The following CCDC134 variants were observed in gnomAD, a reference collection of about 807,000 sequenced individuals.
The protein encoded by CCDC134 is coiled-coil domain-containing protein 134.
A neutral mutation model predicts 25.6 loss-of-function variants in CCDC134; 27 were observed. That is an observed-to-expected ratio of 1.05 (90% CI 0.78 to 1.45). The LOEUF (loss-of-function observed/expected upper bound fraction) is 1.45, where lower values mean the gene tolerates loss of function less well. Among genes scored for constraint, CCDC134 ranks in the 40% most tolerant of loss-of-function variants. The pLI, the probability that CCDC134 is intolerant of heterozygous loss-of-function variation, is 0.00. For synonymous variants in CCDC134, 110 were observed against 115.0 expected (o/e 0.96, Z 0.28); for missense variants, 261 against 286.7 (o/e 0.91, Z 0.65).
intron 4 of CCDC134, among the ~76,000 whole-genome samples, chr22:41,810,773 C>T (rs1234683954): frequency 3.3e-5 from 5 of 152,052 alleles, no homozygotes; most frequent in African/African-American, 4.8e-5. Flanking sequence ...GGATTACAGG[C>T]GAGAGCCACT....
chr22:41,821,455 T>A (rs1366570269), intron 6 of CCDC134, among the ~76,000 whole-genome samples: 1 of 151,788 alleles, frequency 6.6e-6, no homozygotes, highest in Non-Finnish European at 1.5e-5. Flanking sequence ...TATCTCCTAA[T>A]GCTATCCCTC....
intron 1 of CCDC134, among the ~76,000 whole-genome samples, chr22:41,803,914 G>A (rs374486987): frequency 2.0e-5 from 3 of 152,068 alleles, no homozygotes; most frequent in East Asian, 1.9e-4. Flanking sequence ...GGCGGATCAC[G>A]AGGGCAGGAG....
chr22:41,801,295 A>G (rs951754661), intron 1 of CCDC134, among the ~76,000 whole-genome samples: 3 of 151,964 alleles, frequency 2.0e-5, no homozygotes, highest in Middle Eastern at 3.2e-3. Flanking sequence ...GGTTTCACTT[A>G]TCTCGTCTGC....
rs996646286 is a variant in CCDC134, at chr22:41,827,297, G to A, written c.*1474G>A. ...CTCACTGGGCAGTGGAGGCAGGGCA[G>A]TGTGGTGGGACTGACTCAACAGACA... On this transcript the variant is annotated 3_prime_UTR_variant, in exon 7 of 7. Transcript: ENST00000255784. Among the ~76,000 whole-genome samples, 1 of 152,226 alleles carries A rather than the reference G, an allele frequency of 6.6e-6. No individual in the cohort carries two copies. The highest frequency in any genetic ancestry group is 1.5e-5 in the Non-Finnish European group (1 of 68,046).
chr22:41,813,661 GGAGTC>G lies in CCDC134; in HGVS notation c.493-89_493-85del. 2.1e-6 allele frequency: 3 copies of G among 1,408,376 alleles called. No homozygotes were observed. The Admixed American group carries it at 5.1e-5, about 24-fold the overall frequency. 87.2% of individuals were successfully genotyped at this position (1,408,376 alleles called of 1,614,324 possible). ...ATGTGGCCCACATCTGCCCAAGTCA[GGAGTC>G]TGGGTCCCAGCATGGAAGGAATGAC... On this transcript the variant is annotated intron_variant, in intron 5 of 6. Transcript: ENST00000255784.
chr22:41,816,608 C>T (rs932220643), intron 6 of CCDC134, among the ~76,000 whole-genome samples: 1 of 152,198 alleles, frequency 6.6e-6, no homozygotes, highest in Non-Finnish European at 1.5e-5. Flanking sequence ...TTGTTCCCTG[C>T]ACTTTCTGGG....
intron 2 of CCDC134, among the ~76,000 whole-genome samples, chr22:41,809,593 A>C (rs927628912): frequency 6.6e-6 from 1 of 152,204 alleles, no homozygotes; most frequent in African/African-American, 2.4e-5. Flanking sequence ...CTGGAACAGT[A>C]GAATGCTTGT....
intron 1 of CCDC134, among the ~76,000 whole-genome samples, chr22:41,801,784 T>C (rs1445602139): frequency 1.3e-5 from 2 of 152,140 alleles, no homozygotes; most frequent in African/African-American, 4.8e-5. Flanking sequence ...TCAACCTAAA[T>C]AGCAGAGTGA....
At chr22:41,811,634 G>C (rs1195131411) in intron 4 of CCDC134, among the ~76,000 whole-genome samples, 1 of 152,048 alleles carries the variant, frequency 6.6e-6, no homozygotes, top group East Asian at 1.9e-4. Context: ...TTGCCATGTT[G>C]GCCGGGCTGG....
rs1435895255 is a variant in CCDC134 at position 41,830,985 on chromosome 22, A to C, written c.*5162A>C. Among the ~76,000 whole-genome samples, 1 of 146,296 alleles carries C rather than the reference A, an allele frequency of 6.8e-6. No individual in the cohort carries two copies. Among genetic ancestry groups the C allele is most frequent in the Non-Finnish European group, 1.5e-5 (1 of 67,358 alleles). On this transcript the variant is annotated 3_prime_UTR_variant, in exon 7 of 7. Coordinates refer to ENST00000255784, the MANE Select transcript of CCDC134 (RefSeq NM_024821.5). ...ACCGTAACTTCTGCCTCCCGGGTTC[A>C]AGCAAGTCTCCTGCCTCAGCTTCCT...
chr22:41,820,686 T>C (rs1304814335), intron 6 of CCDC134, among the ~76,000 whole-genome samples: 3 of 152,186 alleles, frequency 2.0e-5, no homozygotes, highest in African/African-American at 7.2e-5. Flanking sequence ...GCGTTAAGCA[T>C]GACTAGAAGA....
intron 6 of CCDC134, among the ~76,000 whole-genome samples, chr22:41,817,784 G>A (rs2076629961): frequency 6.6e-6 from 1 of 151,402 alleles, no homozygotes; most frequent in Non-Finnish European, 1.5e-5. Context: ...AGAGGGGTAG[G>A]TATCTTTGAT....
At chr22:41,802,770 C>T (rs1438366634) in intron 1 of CCDC134, among the ~76,000 whole-genome samples, 4 of 151,856 alleles carry the variant, frequency 2.6e-5, no homozygotes, top group South Asian at 2.1e-4. Flanking sequence ...AAAAATTAGC[C>T]GGGCGTGGTG....
At chr22:41,810,903 GAC>G (rs1301990134) in intron 4 of CCDC134, among the ~76,000 whole-genome samples, 1 of 152,170 alleles carries the variant, frequency 6.6e-6, no homozygotes, top group African/African-American at 2.4e-5. Context: ...TCTGGGGGAA[GAC>G]ACTGTTCTCT....
rs777602699 is a variant in CCDC134, at chr22:41,810,320, T to C, written c.310+29T>C. 8 of 1,587,542 alleles carry C rather than the reference T, an allele frequency of 5.0e-6. No individual in the cohort carries two copies. In the Admixed American group the frequency reaches 1.3e-4, roughly 27 times the overall value. On this transcript the variant is annotated intron_variant, in intron 4 of 6. Transcript: ENST00000255784. Reference sequence around the variant, plus strand: ...TGGTCTGCCCTGCCCCGCCCTGTCCTCCGCACCACCCGATCTTCTCTAGCT... The same window carrying C: ...TGGTCTGCCCTGCCCCGCCCTGTCCCCCGCACCACCCGATCTTCTCTAGCT...
At chr22:41,817,552 T>C (rs1260674689) in intron 6 of CCDC134, among the ~76,000 whole-genome samples, 6 of 151,894 alleles carry the variant, frequency 4.0e-5, no homozygotes, top group Admixed American at 3.9e-4. Context: ...GCCAACATGG[T>C]GAAACCCTGT....
At chr22:41,820,099 C>G in intron 6 of CCDC134, among the ~76,000 whole-genome samples, 2 of 147,878 alleles carry the variant, frequency 1.4e-5, no homozygotes. Flanking sequence ...AGGTTCACGC[C>G]ATTCTCCTGC....
chr22:41,806,225 T>G (rs1448264461), intron 1 of CCDC134, among the ~76,000 whole-genome samples: 3 of 148,384 alleles, frequency 2.0e-5, no homozygotes, highest in Non-Finnish European at 4.5e-5. Flanking sequence ...TTTTTTTTTT[T>G]TTTTTTTTTT....
At chr22:41,802,567 C>T (rs1032248849) in intron 1 of CCDC134, among the ~76,000 whole-genome samples, 3 of 152,038 alleles carry the variant, frequency 2.0e-5, no homozygotes, top group Admixed American at 1.3e-4. Context: ...GTTGAGAGTT[C>T]GAGACCAGCC....
Sources: allele counts gnomAD v4.1 joint callset (sites outside exome capture counted in the v4.1 genomes callset), GRCh38; gene constraint gnomAD v4.1.1; transcripts MANE v1.5; gene names NCBI Gene and HGNC (gene_info 2026-07-23, HGNC 2026-07-21).